Variants in SORT1 observed in about 807,000 individuals in gnomAD.
The protein encoded by SORT1 is sortilin.
Under a neutral mutation model 101.7 loss-of-function variants are expected in SORT1, and 39 were observed. The observed-to-expected ratio is 0.38, with a 90% confidence interval of 0.30 to 0.50. The LOEUF is 0.50. Ranked by LOEUF, SORT1 falls within the 20% of genes least tolerant of loss-of-function variation. The pLI is 0.90. For missense variants in SORT1, 878 were observed against 1,040.4 expected, an observed-to-expected ratio of 0.84 and a Z score of 2.15; for synonymous variants, 396 against 393.7, an observed-to-expected ratio of 1.01 and a Z score of -0.07.
chr1:109,331,795 A>G (rs1648470287), intron 11 of SORT1, among the ~76,000 whole-genome samples: 1 of 152,124 alleles, frequency 6.6e-6, no homozygotes, highest in South Asian at 2.1e-4. Flanking sequence ...TAATCTTTAA[A>G]GACTCCACCA....
chr1:109,376,559 G>A (rs1268163205), intron 1 of SORT1, among the ~76,000 whole-genome samples: 1 of 144,256 alleles, frequency 6.9e-6, no homozygotes, highest in Non-Finnish European at 1.6e-5. Context: ...TAATACTATG[G>A]AGCCATAAAA....
At chr1:109,393,362 A>G in intron 1 of SORT1, 1 of 967,520 alleles carries the variant, frequency 1.0e-6, no homozygotes, top group Non-Finnish European at 1.2e-6. Flanking sequence ...AAGTTTAAAA[A>G]GTTTTAAGGA....
chr1:109,328,909 C>T (rs1648262412), intron 11 of SORT1, among the ~76,000 whole-genome samples: 1 of 152,142 alleles, frequency 6.6e-6, no homozygotes, highest in African/African-American at 2.4e-5. Context: ...AGGGTAGGGC[C>T]CACCCCTGCA....
intron 10 of SORT1, among the ~76,000 whole-genome samples, chr1:109,338,080 G>A (rs1024411296): frequency 2.6e-5 from 4 of 152,270 alleles, no homozygotes; most frequent in East Asian, 1.9e-4. Context: ...AAATACTTGC[G>A]CAGCTAAAGG....
chr1:109,397,019 G>A (rs1257164717), intron 1 of SORT1, among the ~76,000 whole-genome samples: 1 of 152,228 alleles, frequency 6.6e-6, no homozygotes, highest in African/African-American at 2.4e-5. Flanking sequence ...ATATAGACAT[G>A]CTAGTCAGAC....
intron 1 of SORT1, among the ~76,000 whole-genome samples, chr1:109,395,331 A>G (rs1571000980): frequency 7.1e-6 from 1 of 141,180 alleles, no homozygotes; most frequent in East Asian, 2.2e-4. Flanking sequence ...AGTGATCGTC[A>G]TGCCTCAGCC....
chr1:109,328,200 T>C (rs1326067143), intron 11 of SORT1, among the ~76,000 whole-genome samples: 3 of 152,264 alleles, frequency 2.0e-5, no homozygotes, highest in African/African-American at 7.2e-5. Context: ...GCTATGTACA[T>C]GGTTGTACAA....
chr1:109,355,576 C>T (rs1023470320), intron 3 of SORT1, 107 bp from the exon 4 acceptor site: 1 of 617,488 alleles, frequency 1.6e-6, no homozygotes, highest in Non-Finnish European at 2.9e-6. Context: ...CTGAGAGACT[C>T]GGCTCACCCT....
chr1:109,314,005 G>A lies in SORT1; in HGVS notation c.*38C>T. ...CACAGGGAGTGTAAGAGGTACTGTG[G>A]TTCCACCATCCATGCTGGGTCCAGC... On this transcript the variant is annotated 3_prime_UTR_variant, in exon 20 of 20. Transcript: ENST00000256637. 6.2e-7 allele frequency: 1 copy of A among 1,608,160 alleles called. No individual in the cohort carries two copies. The highest frequency in any genetic ancestry group is 8.5e-7 in the Non-Finnish European group (1 of 1,174,806).
At chr1:109,395,292 C>T (rs1653128800) in intron 1 of SORT1, among the ~76,000 whole-genome samples, 1 of 139,684 alleles carries the variant, frequency 7.2e-6, no homozygotes, top group Non-Finnish European at 1.5e-5. Flanking sequence ...GCGATCTCGG[C>T]TCGCTGCAAC....
intron 11 of SORT1, among the ~76,000 whole-genome samples, chr1:109,328,129 A>C (rs928763684): frequency 6.6e-6 from 1 of 152,076 alleles, no homozygotes; most frequent in African/African-American, 2.4e-5. Context: ...CACTTTATTT[A>C]CTCATTTATC....
At chr1:109,374,452 G>GTGGT (rs2101634743) in intron 1 of SORT1, among the ~76,000 whole-genome samples, 1 of 152,116 alleles carries the variant, frequency 6.6e-6, no homozygotes, top group Admixed American at 6.6e-5. Context: ...TTAGCCAAGT[G>GTGGT]TGGTGGTGGG....
intron 3 of SORT1, 21 bp downstream of exon 3, chr1:109,367,386 CA>C (rs759576515): frequency 2.9e-6 from 4 of 1,403,484 alleles, no homozygotes; most frequent in Non-Finnish European, 4.0e-6. Flanking sequence ...TGAAATGCTC[CA>C]ACGCGTGTTA....
chr1:109,324,982 C>T lies in SORT1; in HGVS notation c.1751G>A (p.Ser584Asn). The change falls in exon 14 of 20, where the codon AGC becomes AAC. Residue 584 changes from serine to asparagine, a missense_variant. This residue lies in a region of SORT1 where 684 missense variants were observed against 894.5 expected (regional missense o/e 0.76). Coordinates refer to ENST00000256637, the MANE Select transcript of SORT1 (RefSeq NM_002959.7). ...SEPGARSMNI[S>N]IWGFTESFLT... is the part of the protein sequence containing the mutation. ...GAAAGATTCTGTGAAGCCCCAAATGCTGATATTCATGGACCTAGCTCCAGG... is the reference window on the plus strand; with the variant it reads ...GAAAGATTCTGTGAAGCCCCAAATGTTGATATTCATGGACCTAGCTCCAGG... 1 of 1,613,692 alleles carries T rather than the reference C, an allele frequency of 6.2e-7. No homozygotes were observed.
rs757655253 is a variant in SORT1, at chr1:109,340,683, C to T, written c.1264+41G>A. On this transcript the variant is annotated intron_variant, in intron 10 of 19. Transcript: ENST00000256637. ...CCGAAGCCTCAAATCCTACCACATG[C>T]AGCTGAAGGCACAGTACACCACTGC... 8.7e-6 allele frequency: 14 copies of T among 1,606,578 alleles called. 1 individual carries two copies. In the South Asian group the frequency reaches 1.5e-4, roughly 18 times the overall value.
chr1:109,369,659 T>A (rs1557816062), intron 1 of SORT1, 70 bp from the exon 2 acceptor site: 1 of 1,012,856 alleles, frequency 9.9e-7, no homozygotes, highest in African/African-American at 1.6e-5. Context: ...TCTTTAAATA[T>A]CTGAACTTTA....
intron 9 of SORT1, 41 bp downstream of exon 9, chr1:109,341,973 A>G (rs1203605236): frequency 1.9e-6 from 3 of 1,588,846 alleles, no homozygotes; most frequent in Admixed American, 3.3e-5. Flanking sequence ...CAAAGCTTAC[A>G]TCTCTATGCT....
chr1:109,334,083 T>C (rs1009063399), intron 11 of SORT1, among the ~76,000 whole-genome samples: 1 of 151,666 alleles, frequency 6.6e-6, no homozygotes, highest in East Asian at 1.9e-4. Flanking sequence ...GAGGCGGAGG[T>C]TGAAGTGAGC....
chr1:109,315,810 T>G (rs1183300169), intron 17 of SORT1, among the ~76,000 whole-genome samples: 2 of 146,988 alleles, frequency 1.4e-5, no homozygotes, highest in Middle Eastern at 3.7e-3. Flanking sequence ...CAGGCTGGAG[T>G]GCAGTGATAT....
Sources: gnomAD v4.1 joint callset for allele counts (sites outside exome capture counted in the v4.1 genomes callset) on GRCh38, gnomAD v4.1.1 for gene constraint, gnomAD v4.1.1 regional missense constraint, MANE v1.5 for transcripts, NCBI Gene and HGNC (gene_info 2026-07-23, HGNC 2026-07-21) for gene names.